Variants in NTM observed in about 807,000 individuals in gnomAD.
NTM encodes the protein IgLON family member 2.
NTM carries 13 observed loss-of-function variants against 42.1 expected under a neutral mutation model. The observed-to-expected ratio is 0.31, with a 90% CI of 0.20 to 0.49. NTM has a LOEUF of 0.49. Ranked by LOEUF, NTM falls within the 20% of genes least tolerant of loss-of-function variation. NTM has a pLI of 0.99. For synonymous variants in NTM, 187 were observed against 179.2 expected, an observed-to-expected ratio of 1.04 and a Z score of -0.35; for missense variants, 373 against 452.8, an observed-to-expected ratio of 0.82 and a Z score of 1.60.
rs1227207661 is a variant in NTM at position 132,335,571 on chromosome 11, G to C, written c.*425G>C. Reference sequence around the variant, plus strand: ...GAGACGAACAGAATGAGACCTTCCGGCCCAAGCGTGGCGCTGCGGGCACTT... The same window carrying C: ...GAGACGAACAGAATGAGACCTTCCGCCCCAAGCGTGGCGCTGCGGGCACTT... On this transcript the variant is annotated 3_prime_UTR_variant, in exon 9 of 9. Coordinates refer to ENST00000683400, the MANE Select transcript of NTM (RefSeq NM_001352005.2). 6.4e-6 allele frequency: 1 copy of C among 155,854 alleles called. No individual in the cohort carries two copies. Among genetic ancestry groups the C allele is most frequent in the Non-Finnish European group, 1.4e-5 (1 of 70,610 alleles). 9.7% of individuals were successfully genotyped at this position (155,854 alleles called of 1,614,324 possible).
At chr11:131,414,927 TCCCTAAG>T (rs1946790347) in intron 1 of NTM, among the ~76,000 whole-genome samples, 1 of 152,172 alleles carries the variant, frequency 6.6e-6, no homozygotes, top group African/African-American at 2.4e-5. Context: ...AAATTGTGCA[TCCCTAAG>T]CCCTAAGCCC....
intron 3 of NTM, among the ~76,000 whole-genome samples, chr11:132,201,698 A>C (rs2081181147): frequency 6.6e-6 from 1 of 152,378 alleles, no homozygotes. Flanking sequence ...ACAGCAAACA[A>C]TTATGCTGTT....
chr11:131,860,851 C>T (rs2046561201), intron 1 of NTM, among the ~76,000 whole-genome samples: 1 of 152,182 alleles, frequency 6.6e-6, no homozygotes, highest in South Asian at 2.1e-4. Context: ...CTCCCTGTCT[C>T]TTGCTGGCTA....
intron 2 of NTM, among the ~76,000 whole-genome samples, chr11:132,124,024 C>G (rs932433784): frequency 5.3e-5 from 8 of 152,128 alleles, no homozygotes; most frequent in African/African-American, 1.9e-4. Context: ...TTTCAGTTCC[C>G]TTGCAGGTAA....
At chr11:131,848,424 G>A (rs1007906610) in intron 1 of NTM, among the ~76,000 whole-genome samples, 5 of 152,098 alleles carry the variant, frequency 3.3e-5, no homozygotes, top group South Asian at 2.1e-4. Context: ...CATGAAAGTC[G>A]CCTTCCTGAT....
At chr11:131,919,706 T>C (rs1324837177) in intron 2 of NTM, among the ~76,000 whole-genome samples, 4 of 150,410 alleles carry the variant, frequency 2.7e-5, no homozygotes, top group African/African-American at 9.8e-5. Flanking sequence ...ACACAAAACA[T>C]AGTATATAGT....
intron 1 of NTM, among the ~76,000 whole-genome samples, chr11:131,870,815 C>CA (rs1205754402): frequency 6.6e-6 from 1 of 151,898 alleles, no homozygotes; most frequent in Non-Finnish European, 1.5e-5. Context: ...ACTTAATTTT[C>CA]AAAAAAAGCT....
intron 1 of NTM, chr11:131,539,462 A>G (rs900498665): frequency 6.6e-6 from 1 of 152,158 alleles, no homozygotes; most frequent in Non-Finnish European, 1.5e-5. Context: ...TTATGGGATG[A>G]TATTAATTGG....
At chr11:132,126,244 T>TA (rs2065816565) in intron 2 of NTM, among the ~76,000 whole-genome samples, 1 of 152,136 alleles carries the variant, frequency 6.6e-6, no homozygotes, top group Non-Finnish European at 1.5e-5. Context: ...AGCAGGGAGA[T>TA]ACTGTTTCTC....
intron 3 of NTM, among the ~76,000 whole-genome samples, chr11:132,190,091 T>C (rs1450910510): frequency 6.6e-6 from 1 of 152,110 alleles, no homozygotes; most frequent in Non-Finnish European, 1.5e-5. Context: ...TTCAACAAAA[T>C]GATTTGAGCC....
At chr11:132,073,002 G>C (rs1227725378) in intron 2 of NTM, among the ~76,000 whole-genome samples, 2 of 152,178 alleles carry the variant, frequency 1.3e-5, no homozygotes, top group Non-Finnish European at 2.9e-5. Flanking sequence ...TGTGAAAAAT[G>C]AGGCTGGCTT....
chr11:131,907,413 T>C (rs2054024071), intron 1 of NTM, among the ~76,000 whole-genome samples: 1 of 152,242 alleles, frequency 6.6e-6, no homozygotes, highest in Non-Finnish European at 1.5e-5. Context: ...CATGGCAGGC[T>C]CTTCTCTCCT....
intron 2 of NTM, among the ~76,000 whole-genome samples, chr11:132,027,027 T>A (rs1320178494): frequency 6.6e-6 from 1 of 152,220 alleles, no homozygotes; most frequent in Non-Finnish European, 1.5e-5. Flanking sequence ...AAATTGGGCA[T>A]GAAACTTACA....
chr11:132,024,436 C>T (rs1011743461), intron 2 of NTM, among the ~76,000 whole-genome samples: 3 of 152,216 alleles, frequency 2.0e-5, no homozygotes, highest in Non-Finnish European at 2.9e-5. Context: ...GCATATCCTT[C>T]TGTATACTTT....
chr11:131,552,822 A>AG (rs902770935), intron 1 of NTM, among the ~76,000 whole-genome samples: 1 of 151,816 alleles, frequency 6.6e-6, no homozygotes, highest in African/African-American at 2.4e-5. Context: ...CGTCTCAAAA[A>AG]AAAAAAAAAT....
At chr11:131,571,062 C>A (rs780718349) in intron 1 of NTM, among the ~76,000 whole-genome samples, 1 of 152,190 alleles carries the variant, frequency 6.6e-6, no homozygotes, top group African/African-American at 2.4e-5. Context: ...TTCTGCTGTG[C>A]GGCCTCGGGC....
intron 1 of NTM, among the ~76,000 whole-genome samples, chr11:131,649,983 C>A (rs181228927): frequency 2.0e-5 from 3 of 152,264 alleles, no homozygotes; most frequent in South Asian, 4.1e-4. Flanking sequence ...GCTTCTTTCC[C>A]GTTTATCTGA....
At chr11:131,953,936 C>G (rs928445324) in intron 2 of NTM, among the ~76,000 whole-genome samples, 1 of 152,152 alleles carries the variant, frequency 6.6e-6, no homozygotes, top group African/African-American at 2.4e-5. Context: ...ATGGAGAAAG[C>G]CAGCCTTTCT....
At chr11:131,902,951 T>C (rs77297761) in intron 1 of NTM, among the ~76,000 whole-genome samples, 4,288 of 152,272 alleles carry the variant, frequency 0.028, 218 homozygotes, top group African/African-American at 0.096. Context: ...TATGAACATA[T>C]GCCTAAATGG....
Sources: gnomAD v4.1 joint callset for allele counts (sites outside exome capture counted in the v4.1 genomes callset) on GRCh38, gnomAD v4.1.1 for gene constraint, MANE v1.5 for transcripts, NCBI Gene and HGNC (gene_info 2026-07-23, HGNC 2026-07-21) for gene names.